The following PRDM14 variants were observed in gnomAD, a reference collection of about 807,000 sequenced individuals.
PRDM14 encodes the protein PR domain zinc finger protein 14.
PRDM14 carries 16 observed loss-of-function variants against 48.0 expected under a neutral mutation model. That is an observed-to-expected ratio of 0.33 (90% CI 0.23 to 0.51). The LOEUF (loss-of-function observed/expected upper bound fraction) is 0.51. Among genes scored for constraint, PRDM14 ranks in the 20% least tolerant of loss-of-function variants. The pLI is 0.97. For synonymous variants in PRDM14, 264 were observed against 276.6 expected, an observed-to-expected ratio of 0.95 and a Z score of 0.45; for missense variants, 566 against 719.6, an observed-to-expected ratio of 0.79 and a Z score of 2.44.
intron 5 of PRDM14, among the ~76,000 whole-genome samples, chr8:70,062,411 CATA>C (rs1287360000): frequency 6.6e-6 from 1 of 152,070 alleles, no homozygotes; most frequent in African/African-American, 2.4e-5. Flanking sequence ...ATTTCATATA[CATA>C]ATGAGGTATC....
chr8:70,054,578 G>A (rs185542653), intron 7 of PRDM14, among the ~76,000 whole-genome samples: 205 of 148,538 alleles, frequency 1.4e-3, no homozygotes, highest in African/African-American at 4.8e-3. Flanking sequence ...GGAGTGCAGT[G>A]GCACAATCTT....
rs754106280 is a variant in PRDM14, at chr8:70,069,609, T to C, written c.252A>G (p.Leu84=). ...GCAGATCGTAGAGAGGCTCCCTCTGTAGGCCCAGACCCGGGCTCAGCAAGG... is the reference window on the plus strand; with the variant it reads ...GCAGATCGTAGAGAGGCTCCCTCTGCAGGCCCAGACCCGGGCTCAGCAAGG... ...APPLLSPGLG[L]QREPLYDLPW... Residue 84 remains leucine (L), a synonymous_variant, in exon 2 of 8, where the codon CTA becomes CTG. Coordinates refer to ENST00000276594, the MANE Select transcript of PRDM14 (RefSeq NM_024504.4). 1.3e-6 allele frequency: 2 copies of C among 1,585,050 alleles called. No homozygotes were observed. The highest frequency in any genetic ancestry group is 1.3e-5 in the African/African-American group (1 of 74,412).
chr8:70,062,951 ATTAT>A (rs1311224870), intron 5 of PRDM14, among the ~76,000 whole-genome samples: 1 of 152,116 alleles, frequency 6.6e-6, no homozygotes, highest in Non-Finnish European at 1.5e-5. Context: ...CATTTACTTA[ATTAT>A]TATACTACTG....
intron 7 of PRDM14, 131 bp from the exon 8 acceptor site, chr8:70,052,435 C>T (rs1585645536): frequency 3.1e-6 from 2 of 638,664 alleles, no homozygotes; most frequent in African/African-American, 1.8e-5. Flanking sequence ...GGCCATAGAG[C>T]ACTCCTGGTC....
intron 5 of PRDM14, among the ~76,000 whole-genome samples, chr8:70,064,017 C>T (rs751748015): frequency 1.3e-5 from 2 of 152,032 alleles, no homozygotes; most frequent in Non-Finnish European, 2.9e-5. Context: ...CCAGGCATTT[C>T]AGAAAAAGGA....
At chr8:70,053,384 ATTTG>A (rs36192946) in intron 7 of PRDM14, among the ~76,000 whole-genome samples, 90,383 of 150,362 alleles carry the variant, frequency 0.6, 27,174 homozygotes, top group East Asian at 0.73. Flanking sequence ...GGTTTGTTTT[ATTTG>A]TTTGTTTGTT....
At position 70,051,834 on chromosome 8, in the gene PRDM14, C is replaced by T. The variant is rs1041795167; in HGVS notation, c.*243G>A. 10 of 412,586 alleles carry T rather than the reference C, an allele frequency of 2.4e-5. No individual in the cohort carries two copies. Among genetic ancestry groups the T allele is most frequent in the Non-Finnish European group, 4.0e-5 (9 of 227,512 alleles). 25.6% of individuals were successfully genotyped at this position (412,586 alleles called of 1,614,324 possible). A position where few individuals can be genotyped will look rare whatever the true frequency, so the allele number is the denominator to read the frequency against. On this transcript the variant is annotated 3_prime_UTR_variant, in exon 8 of 8. Transcript: ENST00000276594. ...TCACCCAGGTTGAAAAGCAGTGGGG[C>T]GATCTCAGCTCACAGCAACCTCCGT... is the stretch of plus-strand genomic sequence containing the variant.
At chr8:70,055,748 T>C (rs1805462849) in intron 6 of PRDM14, among the ~76,000 whole-genome samples, 1 of 152,126 alleles carries the variant, frequency 6.6e-6, no homozygotes, top group Non-Finnish European at 1.5e-5. Context: ...CAGATCCTCC[T>C]GCCTTGGCCT....
chr8:70,057,927 C>G (rs776745204), intron 6 of PRDM14, among the ~76,000 whole-genome samples: 1 of 152,102 alleles, frequency 6.6e-6, no homozygotes, highest in Non-Finnish European at 1.5e-5. Context: ...GTTTTCAAAA[C>G]AGGAAAATGG....
At chr8:70,057,534 G>T (rs1167372988) in intron 6 of PRDM14, among the ~76,000 whole-genome samples, 1 of 152,082 alleles carries the variant, frequency 6.6e-6, no homozygotes, top group African/African-American at 2.4e-5. Context: ...GTTTCGCCAT[G>T]TTGGCCAGGC....
intron 5 of PRDM14, among the ~76,000 whole-genome samples, chr8:70,062,727 A>G (rs1185283322): frequency 6.6e-6 from 1 of 152,036 alleles, no homozygotes; most frequent in East Asian, 1.9e-4. Flanking sequence ...CGGCCTCCCA[A>G]AGCGCTGGGA....
At chr8:70,065,381 T>C (rs1477550970) in intron 5 of PRDM14, among the ~76,000 whole-genome samples, 1 of 152,172 alleles carries the variant, frequency 6.6e-6, no homozygotes, top group East Asian at 1.9e-4. Context: ...CTTCAGTGTA[T>C]ATAGAAATCA....
In PRDM14 at chr8:70,059,770, G is replaced by A. The variant is rs184604651; in HGVS notation, c.1184-928C>T. The stretch of plus-strand genomic sequence containing the variant: ...TCCTTTGACTCAAAAACATCTAACC[G>A]TAATCTTTAGAAGATGACATATTTT... On this transcript the variant is annotated intron_variant, in intron 5 of 7. Coordinates refer to ENST00000276594, the MANE Select transcript of PRDM14 (RefSeq NM_024504.4). Among the ~76,000 whole-genome samples the A allele has an allele frequency of 1.2e-4, 19 of 152,114 alleles. No homozygotes were observed. In the East Asian group the frequency reaches 2.7e-3, roughly 22 times the overall value.
chr8:70,066,100 T>G, intron 5 of PRDM14, 135 bp downstream of exon 5: 1 of 963,692 alleles, frequency 1.0e-6, no homozygotes, highest in Non-Finnish European at 1.5e-6. Flanking sequence ...AATTCCCCCC[T>G]GGTTAGAGAC....
At chr8:70,067,527 A>AC (rs1554551770) in intron 4 of PRDM14, among the ~76,000 whole-genome samples, 10 of 145,904 alleles carry the variant, frequency 6.9e-5, no homozygotes, top group Admixed American at 2.0e-4. Context: ...CAAGAAAAAA[A>AC]AAACAAAAAA....
At position 70,066,338 on chromosome 8, in the gene PRDM14, T is replaced by C. The variant is rs752449830; in HGVS notation, c.1080A>G (p.Gln360=). ...AGTCTCCATACCACACAAGGAGCTCTTGGTTCTGATGGATCTCTTTGCAGC... is the reference window on the plus strand; with the variant it reads ...AGTCTCCATACCACACAAGGAGCTCCTGGTTCTGATGGATCTCTTTGCAGC... ...YESCKEIHQN[Q]ELLVWYGDCY... Residue 360 remains glutamine (Q), a synonymous_variant, in exon 5 of 8, where the codon CAA becomes CAG. Coordinates refer to ENST00000276594, the MANE Select transcript of PRDM14 (RefSeq NM_024504.4). The C allele has an allele frequency of 5.0e-6, 8 of 1,614,204 alleles. No individual in the cohort carries two copies. Among genetic ancestry groups the C allele is most frequent in the South Asian group, 1.1e-5 (1 of 91,082 alleles).
intron 5 of PRDM14, among the ~76,000 whole-genome samples, chr8:70,063,069 T>C (rs1585651728): frequency 6.6e-6 from 1 of 152,348 alleles, no homozygotes; most frequent in African/African-American, 2.4e-5. Flanking sequence ...CGATAATAGA[T>C]TTCCAGAAGA....
At chr8:70,062,567 G>A (rs1396085945) in intron 5 of PRDM14, among the ~76,000 whole-genome samples, 24 of 151,774 alleles carry the variant, frequency 1.6e-4, no homozygotes, top group East Asian at 3.9e-4. Context: ...GGTTTCAAGC[G>A]ATTATCCGGC....
At chr8:70,052,878 A>AG (rs1330819686) in intron 7 of PRDM14, among the ~76,000 whole-genome samples, 3 of 148,018 alleles carry the variant, frequency 2.0e-5, no homozygotes, top group African/African-American at 7.4e-5. Flanking sequence ...AAAAAAAAAA[A>AG]AAAAAAAAAA....
Sources: allele counts gnomAD v4.1 joint callset (sites outside exome capture counted in the v4.1 genomes callset), GRCh38; gene constraint gnomAD v4.1.1; transcripts MANE v1.5; gene names NCBI Gene and HGNC (gene_info 2026-07-23, HGNC 2026-07-21).